DPP10: variants seen among roughly 807,000 people sequenced by gnomAD.
DPP10 encodes the protein dipeptidyl peptidase like 10, also known as inactive dipeptidyl peptidase 10.
DPP10 carries 33 observed loss-of-function variants against 120.9 expected under a neutral mutation model. The observed-to-expected ratio is 0.27, with a 90% CI of 0.21 to 0.37. The LOEUF is 0.37. Ranked by LOEUF, DPP10 falls within the 10% of genes least tolerant of loss-of-function variation. The pLI, the probability that DPP10 is intolerant of heterozygous loss-of-function variation, is 1.00. For missense variants in DPP10, 816 were observed against 942.8 expected (o/e 0.87, Z 1.76); for synonymous variants, 337 against 326.1 (o/e 1.03, Z -0.36).
intron 1 of DPP10, among the ~76,000 whole-genome samples, chr2:114,472,301 A>C (rs1223186962): frequency 6.6e-6 from 1 of 152,200 alleles, no homozygotes; most frequent in Admixed American, 6.5e-5. Flanking sequence ...GAATGTTTGT[A>C]TTTCAAGGAG....
In DPP10 at chr2:114,949,582, C is replaced by T. The variant is rs145186257; in HGVS notation, c.61-359657C>T. Among the ~76,000 whole-genome samples the T allele has an allele frequency of 1.9e-3, 288 of 152,232 alleles. 3 individuals are homozygous for T. The highest frequency in any genetic ancestry group is 6.6e-3 in the African/African-American group (275 of 41,528). On this transcript the variant is annotated intron_variant, in intron 1 of 25. Coordinates refer to ENST00000410059, the MANE Select transcript of DPP10 (RefSeq NM_020868.6). The stretch of plus-strand genomic sequence containing the variant: ...TTCATTAGGGCCTGAGTGGTGGGCC[C>T]CAAGGGTTTGCACTTGACATGGACC...
At chr2:115,737,415 C>T (rs562567471) in intron 8 of DPP10, among the ~76,000 whole-genome samples, 1 of 152,128 alleles carries the variant, frequency 6.6e-6, no homozygotes, top group Non-Finnish European at 1.5e-5. Context: ...AATGTTTCTC[C>T]TGGAGCCCTG....
At chr2:115,049,279 A>G (rs919988336) in intron 1 of DPP10, among the ~76,000 whole-genome samples, 12 of 152,072 alleles carry the variant, frequency 7.9e-5, no homozygotes, top group Non-Finnish European at 1.5e-4. Flanking sequence ...TGAGCACTTA[A>G]TGTATGCTAG....
At chr2:115,629,590 T>G (rs994885122) in intron 5 of DPP10, among the ~76,000 whole-genome samples, 3 of 152,128 alleles carry the variant, frequency 2.0e-5, no homozygotes, top group Admixed American at 6.6e-5. Context: ...TTTCATGTGT[T>G]TTTTGGCTGC....
At chr2:115,799,185 G>A (rs140282044) in intron 19 of DPP10, among the ~76,000 whole-genome samples, 2,795 of 151,822 alleles carry the variant, frequency 0.018, 86 homozygotes, top group African/African-American at 0.062. Flanking sequence ...CTGTGTCTGC[G>A]CCACTATGAC....
At chr2:114,588,522 C>A (rs1249625657) in intron 1 of DPP10, among the ~76,000 whole-genome samples, 1 of 151,984 alleles carries the variant, frequency 6.6e-6, no homozygotes, top group Admixed American at 6.6e-5. Context: ...TGAATATTCC[C>A]AACACAAATA....
chr2:114,497,159 G>A (rs553400154), intron 1 of DPP10, among the ~76,000 whole-genome samples: 1 of 142,998 alleles, frequency 7.0e-6, no homozygotes, highest in Admixed American at 6.8e-5. Flanking sequence ...ATACATGTAG[G>A]TGTACACGTG....
At chr2:115,817,403 A>T (rs1687363291) in intron 21 of DPP10, among the ~76,000 whole-genome samples, 1 of 152,188 alleles carries the variant, frequency 6.6e-6, no homozygotes, top group African/African-American at 2.4e-5. Flanking sequence ...ATAACTGGTA[A>T]GTTTAATTGG....
At chr2:115,459,922 A>AT (rs1386731321) in intron 3 of DPP10, among the ~76,000 whole-genome samples, 1 of 32,630 alleles carries the variant, frequency 3.1e-5, no homozygotes. Flanking sequence ...TAAAACATAT[A>AT]TTTTATATAT....
At chr2:114,630,159 T>C (rs1206932870) in intron 1 of DPP10, among the ~76,000 whole-genome samples, 3 of 152,190 alleles carry the variant, frequency 2.0e-5, no homozygotes, top group African/African-American at 7.2e-5. Flanking sequence ...TATTTTATAA[T>C]TCACTTCTAA....
chr2:115,270,066 T>TCACACACACA (rs57649162), intron 1 of DPP10, among the ~76,000 whole-genome samples: 1,769 of 130,706 alleles, frequency 0.014, 18 homozygotes, highest in Non-Finnish European at 0.018. Flanking sequence ...TAGGTATACT[T>TCACACACACA]CACACACACA....
chr2:115,068,103 A>G (rs1707071814), intron 1 of DPP10, among the ~76,000 whole-genome samples: 1 of 151,786 alleles, frequency 6.6e-6, no homozygotes, highest in South Asian at 2.1e-4. Flanking sequence ...GGATTGCTGG[A>G]TTATATGATA....
chr2:115,229,378 G>C (rs1414926304), intron 1 of DPP10, among the ~76,000 whole-genome samples: 1 of 152,032 alleles, frequency 6.6e-6, no homozygotes, highest in Non-Finnish European at 1.5e-5. Flanking sequence ...TTTTTAACTT[G>C]ATATGATTCC....
chr2:115,821,933 A>G (rs960803304), intron 21 of DPP10, among the ~76,000 whole-genome samples: 7 of 151,996 alleles, frequency 4.6e-5, no homozygotes, highest in Non-Finnish European at 1.5e-5. Flanking sequence ...GTTTACCTGT[A>G]TAAGGAATTT....
intron 3 of DPP10, among the ~76,000 whole-genome samples, chr2:115,429,077 C>T (rs939597324): frequency 6.6e-5 from 10 of 151,790 alleles, no homozygotes; most frequent in African/African-American, 1.9e-4. Flanking sequence ...AAAAAAGAAA[C>T]ACCGAAAAAA....
intron 1 of DPP10, among the ~76,000 whole-genome samples, chr2:114,459,492 G>T (rs533028276): frequency 6.6e-6 from 1 of 152,232 alleles, no homozygotes; most frequent in East Asian, 1.9e-4. Flanking sequence ...TGAGACTTGG[G>T]AAAATCATAT....
At chr2:115,746,000 G>C in intron 9 of DPP10, 86 bp from the exon 10 acceptor site, 1 of 983,202 alleles carries the variant, frequency 1.0e-6, no homozygotes, top group Non-Finnish European at 1.5e-6. Flanking sequence ...ACACAAAACA[G>C]TAAATGAATC....
At chr2:114,574,459 G>A (rs1689904108) in intron 1 of DPP10, among the ~76,000 whole-genome samples, 1 of 152,222 alleles carries the variant, frequency 6.6e-6, no homozygotes, top group Non-Finnish European at 1.5e-5. Flanking sequence ...TCTTGGCACT[G>A]TGGACAGGCC....
chr2:115,842,113 T>C, intron 25 of DPP10, 98 bp from the exon 26 acceptor site: 2 of 1,268,276 alleles, frequency 1.6e-6, no homozygotes, highest in Non-Finnish European at 1.0e-6. Context: ...TCAGATATTA[T>C]TACTCAAAGT....
Sources: gnomAD v4.1 joint callset for allele counts (sites outside exome capture counted in the v4.1 genomes callset) on GRCh38, gnomAD v4.1.1 for gene constraint, MANE v1.5 for transcripts, NCBI Gene and HGNC (gene_info 2026-07-23, HGNC 2026-07-21) for gene names.